The following RELL1 variants were observed in gnomAD, a reference collection of about 807,000 sequenced individuals.
RELL1 encodes RELT like 1.
Under a neutral mutation model 23.0 loss-of-function variants are expected in RELL1, and 10 were observed. That is an observed-to-expected ratio of 0.43 (90% confidence interval 0.27 to 0.74). RELL1 has a LOEUF of 0.74. Among genes scored for constraint, RELL1 ranks in the 30% least tolerant of loss-of-function variants. The pLI is 0.19. For missense variants in RELL1, 315 were observed against 364.4 expected (o/e 0.86, Z 1.10); for synonymous variants, 146 against 146.8 (o/e 0.99, Z 0.04).
intron 6 of RELL1, among the ~76,000 whole-genome samples, chr4:37,600,389 C>T (rs1487485941): frequency 6.6e-6 from 1 of 152,088 alleles, no homozygotes; most frequent in Non-Finnish European, 1.5e-5. Context: ...TTGCTACCCA[C>T]CAAAGCTGTA....
intron 6 of RELL1, among the ~76,000 whole-genome samples, chr4:37,592,315 A>T (rs2109470689): frequency 6.7e-6 from 1 of 149,510 alleles, no homozygotes; most frequent in South Asian, 2.1e-4. Context: ...CAGGAATTCG[A>T]GACCAACCTG....
At chr4:37,645,651 C>G (rs1395747607) in intron 3 of RELL1, among the ~76,000 whole-genome samples, 1 of 152,204 alleles carries the variant, frequency 6.6e-6, no homozygotes, top group Admixed American at 6.5e-5. Flanking sequence ...ACCAGACAGA[C>G]AGAGCTGGGC....
intron 6 of RELL1, among the ~76,000 whole-genome samples, chr4:37,622,269 T>C (rs1719794506): frequency 6.6e-6 from 1 of 152,242 alleles, no homozygotes; most frequent in African/African-American, 2.4e-5. Flanking sequence ...GGAGGGGCTT[T>C]ATATACACAG....
downstream of RELL1, chr4:37,588,389 C>G (rs1232204551): frequency 3.8e-5 from 6 of 157,520 alleles, no homozygotes; most frequent in Non-Finnish European, 8.4e-5. Flanking sequence ...ATTCCGGCAT[C>G]CTTTAACTCT....
At chr4:37,643,515 C>G (rs1720595612) in intron 3 of RELL1, among the ~76,000 whole-genome samples, 1 of 152,142 alleles carries the variant, frequency 6.6e-6, no homozygotes, top group African/African-American at 2.4e-5. Context: ...AACCTAAACA[C>G]ACGTGGGAAA....
At chr4:37,610,047 T>C (rs1719327590), downstream of RELL1, among the ~76,000 whole-genome samples, 1 of 152,184 alleles carries the variant, frequency 6.6e-6, no homozygotes, top group African/African-American at 2.4e-5. The surrounding 1 kb of genome is among the most constrained non-coding windows in gnomAD (Gnocchi z 4.1). Flanking sequence ...TACTGCATGC[T>C]ATAGAGAAAA....
rs544162393 is a variant in RELL1, at chr4:37,612,126, G to A, written c.*1220C>T. Among the ~76,000 whole-genome samples the A allele has an allele frequency of 7.0e-6, 1 of 142,046 alleles. No homozygotes were observed. The highest frequency in any genetic ancestry group is 7.6e-5 in the Admixed American group (1 of 13,158). 93.2% of individuals were successfully genotyped at this position (142,046 alleles called of 152,430 possible). On this transcript the variant is annotated 3_prime_UTR_variant, in exon 7 of 7. Coordinates refer to ENST00000454158, the MANE Select transcript of RELL1 (RefSeq NM_001085400.2). ...CAGAAGGTGGAGCTTGCAGTGAGCT[G>A]AGATCGTGCCACTGCACTCCAGCCT... is the stretch of plus-strand genomic sequence containing the variant.
chr4:37,685,396 A>G (rs1483447078), intron 1 of RELL1, among the ~76,000 whole-genome samples: 2 of 152,100 alleles, frequency 1.3e-5, no homozygotes, highest in African/African-American at 4.8e-5. Context: ...GGTGGTAAGG[A>G]ATCCCTAGTG....
chr4:37,654,660 T>C (rs1014551209), intron 1 of RELL1, among the ~76,000 whole-genome samples: 9 of 152,166 alleles, frequency 5.9e-5, no homozygotes, highest in Non-Finnish European at 1.2e-4. Context: ...GCATTATTTA[T>C]AAAAGTCAAA....
downstream of RELL1, among the ~76,000 whole-genome samples, chr4:37,605,882 AAAG>A (rs1719199513): frequency 7.4e-6 from 1 of 135,636 alleles, no homozygotes; most frequent in East Asian, 2.1e-4. Flanking sequence ...GGAAAGAAGG[AAAG>A]AAAGAGAAAG....
rs149412248 is a variant in RELL1 at position 37,626,881 on chromosome 4, C to T, written c.*3+4504G>A. Among the ~76,000 whole-genome samples, 18 of 41,048 alleles carry T rather than the reference C, an allele frequency of 4.4e-4. No individual in the cohort carries two copies. The East Asian group carries it at 0.012, about 28-fold the overall frequency. The allele number at this position is 41,048 out of a possible 152,430, so 26.9% of individuals were successfully genotyped here. A position where few individuals can be genotyped will look rare whatever the true frequency, so the allele number is the denominator to read the frequency against. ...GAAGAAAGGTGGTTAGAGGTAGGGG[C>T]GGGGGAGGGGTTGGTCAAAAGACAC... On this transcript the variant is annotated intron_variant, in intron 6 of 6. Transcript: ENST00000454158.
intron 6 of RELL1, chr4:37,591,852 T>A (rs1426565713): frequency 1.3e-5 from 2 of 152,164 alleles, no homozygotes; most frequent in Non-Finnish European, 2.9e-5. Context: ...AAGTCTTAAC[T>A]CAAAGGTGGT....
chr4:37,605,780 A>AGAGG (rs1719176500), downstream of RELL1, among the ~76,000 whole-genome samples: 1 of 136,230 alleles, frequency 7.3e-6, no homozygotes, highest in Non-Finnish European at 1.6e-5. Flanking sequence ...AGAGAGAGAG[A>AGAGG]GAGAGAAAGA....
At chr4:37,656,357 G>A (rs1263895376) in intron 1 of RELL1, among the ~76,000 whole-genome samples, 1 of 152,108 alleles carries the variant, frequency 6.6e-6, no homozygotes, top group Non-Finnish European at 1.5e-5. Context: ...GGGAGGGCAG[G>A]GGAATAGGGA....
At chr4:37,641,831 G>A (rs1039764232) in intron 3 of RELL1, among the ~76,000 whole-genome samples, 18 of 152,122 alleles carry the variant, frequency 1.2e-4, no homozygotes, top group Admixed American at 4.6e-4. Context: ...AAATGTAAGC[G>A]CCGGCACGTG....
At chr4:37,615,507 T>C (rs1719545851) in intron 6 of RELL1, among the ~76,000 whole-genome samples, 1 of 152,200 alleles carries the variant, frequency 6.6e-6, no homozygotes, top group African/African-American at 2.4e-5. Flanking sequence ...AGAAATCATG[T>C]GTGGGTGGGC....
exon 7 of RELL1, chr4:37,591,199 TGA>T: frequency 7.7e-6 from 4 of 520,196 alleles, no homozygotes; most frequent in East Asian, 3.1e-5. Context: ...TCTGTGTAGA[TGA>T]GCTGTCATTC....
chr4:37,679,877 G>A (rs1427021748), intron 1 of RELL1, among the ~76,000 whole-genome samples: 5 of 151,222 alleles, frequency 3.3e-5, no homozygotes, highest in African/African-American at 4.9e-5. Flanking sequence ...TCTTGAACCC[G>A]GGAGGCGGAG....
chr4:37,625,196 T>C (rs1271473759), intron 6 of RELL1, among the ~76,000 whole-genome samples: 3 of 152,068 alleles, frequency 2.0e-5, no homozygotes, highest in Non-Finnish European at 4.4e-5. Flanking sequence ...AAAACAAAAA[T>C]AAAAACAGAT....
Sources: gnomAD v4.1 joint callset for allele counts (sites outside exome capture counted in the v4.1 genomes callset) on GRCh38, gnomAD v4.1.1 for gene constraint, Gnocchi (gnomAD v3.1) non-coding constraint, MANE v1.5 for transcripts, NCBI Gene and HGNC (gene_info 2026-07-23, HGNC 2026-07-21) for gene names.